Variants in TMEM170A observed in about 807,000 individuals in gnomAD.
TMEM170A encodes the protein transmembrane protein 170A.
In TMEM170A, 18 loss-of-function variants were observed where a neutral mutation model predicts 12.8. The observed-to-expected ratio is 1.41, with a 90% CI of 0.97 to 2.09. The LOEUF (loss-of-function observed/expected upper bound fraction) is 2.09. Among genes scored for constraint, TMEM170A ranks in the 30% most tolerant of loss-of-function variants. TMEM170A has a pLI of 0.00. For missense variants in TMEM170A, 220 were observed against 179.9 expected (o/e 1.22, Z -1.28); for synonymous variants, 107 against 76.2 (o/e 1.40, Z -2.11).
intron 2 of TMEM170A, among the ~76,000 whole-genome samples, chr16:75,449,079 T>G (rs2079634907): frequency 6.6e-6 from 1 of 151,712 alleles, no homozygotes; most frequent in South Asian, 2.1e-4. Flanking sequence ...AATAAATAAA[T>G]AAATAATAAA....
chr16:75,444,897 G>A lies in TMEM170A; in HGVS notation c.*2661C>T, dbSNP rs558983423. ...CCTAATTTTAAGTCTTAGCTCCAGT[G>A]AAAAATATCTAACATTTTAATCATG... On this transcript the variant is annotated 3_prime_UTR_variant, in exon 3 of 3. Coordinates refer to ENST00000561878, the MANE Select transcript of TMEM170A (RefSeq NM_145254.3). 2.3e-4 allele frequency: 35 copies of A among 152,252 alleles called. No homozygotes were observed. The East Asian group carries it at 5.8e-3, about 25-fold the overall frequency. The allele number at this position is 152,252 out of a possible 1,614,324, so 9.4% of individuals were successfully genotyped here. A position where few individuals can be genotyped will look rare whatever the true frequency, so the allele number is the denominator to read the frequency against.
chr16:75,454,315 G>C (rs1393718558), intron 1 of TMEM170A, among the ~76,000 whole-genome samples: 1 of 152,168 alleles, frequency 6.6e-6, no homozygotes, highest in Non-Finnish European at 1.5e-5. Context: ...CCAAAGCACA[G>C]AGGCTTTATA....
At chr16:75,452,722 G>A (rs1334693031) in intron 1 of TMEM170A, 1 of 152,160 alleles carries the variant, frequency 6.6e-6, no homozygotes, top group Non-Finnish European at 1.5e-5. Context: ...TTACAGGTGT[G>A]AGGCCACCGC....
rs971803037 is a variant in TMEM170A, at chr16:75,445,389, A to G, written c.*2169T>C. On this transcript the variant is annotated 3_prime_UTR_variant, in exon 3 of 3. Transcript: ENST00000561878. ...CAGTGGCGTGGTCTCGGCTCACAGCAGCCTGAACCTCCCAGGCACAAGTGA... is the reference window on the plus strand; with the variant it reads ...CAGTGGCGTGGTCTCGGCTCACAGCGGCCTGAACCTCCCAGGCACAAGTGA... The G allele has an allele frequency of 3.3e-5, 5 of 152,236 alleles. No individual in the cohort carries two copies. The South Asian group carries it at 8.3e-4, about 25-fold the overall frequency. 9.4% of individuals were successfully genotyped at this position (152,236 alleles called of 1,614,324 possible).
rs2079954149 is a variant in TMEM170A at position 75,464,097 on chromosome 16, G to A, written c.133+371C>T. On this transcript the variant is annotated intron_variant, in intron 1 of 2. Coordinates refer to ENST00000561878, the MANE Select transcript of TMEM170A (RefSeq NM_145254.3). ...GACCCCTCGAAGGAGGCCGGGCGCC[G>A]TGGGGCAACCCAGGCAGGGCGGGGA... The A allele has an allele frequency of 5.0e-6, 5 of 1,000,906 alleles. No homozygotes were observed. The East Asian group carries it at 1.3e-4, about 25-fold the overall frequency. 62.0% of individuals were successfully genotyped at this position (1,000,906 alleles called of 1,614,324 possible). A position where few individuals can be genotyped will look rare whatever the true frequency, so the allele number is the denominator to read the frequency against.
chr16:75,451,625 G>C lies in TMEM170A; in HGVS notation c.304+44C>G, dbSNP rs753608144. ...CTAGAATAGGTCCTGAAATTGACTA[G>C]TCATATTAAACATTTTTGACTGGTA... On this transcript the variant is annotated intron_variant, in intron 2 of 2. Transcript: ENST00000561878. The C allele has an allele frequency of 1.4e-5, 23 of 1,598,828 alleles. No individual in the cohort carries two copies. In the Admixed American group the frequency reaches 3.3e-4, roughly 23 times the overall value.
At chr16:75,450,337 A>G (rs1289782761) in intron 2 of TMEM170A, among the ~76,000 whole-genome samples, 1 of 152,170 alleles carries the variant, frequency 6.6e-6, no homozygotes, top group African/African-American at 2.4e-5. Flanking sequence ...CTATACCTAA[A>G]AAAAGAAATA....
chr16:75,462,222 T>C (rs1361769615), intron 1 of TMEM170A, among the ~76,000 whole-genome samples: 1 of 152,252 alleles, frequency 6.6e-6, no homozygotes, highest in Non-Finnish European at 1.5e-5. Flanking sequence ...TGACATTCAA[T>C]GTCTCTTTTT....
intron 1 of TMEM170A, among the ~76,000 whole-genome samples, chr16:75,461,469 A>G (rs1218252565): frequency 6.6e-6 from 1 of 152,242 alleles, no homozygotes; most frequent in Non-Finnish European, 1.5e-5. Flanking sequence ...ATATGTCAGA[A>G]TACTTCAGAA....
intron 1 of TMEM170A, 141 bp from the exon 2 acceptor site, chr16:75,451,980 A>G: frequency 2.5e-6 from 2 of 811,918 alleles, no homozygotes; most frequent in Non-Finnish European, 1.9e-6. Flanking sequence ...ATTATTTTTA[A>G]TTTTTTTTTG....
intron 1 of TMEM170A, among the ~76,000 whole-genome samples, chr16:75,456,497 A>G (rs2079799986): frequency 6.6e-6 from 1 of 152,150 alleles, no homozygotes; most frequent in Non-Finnish European, 1.5e-5. Context: ...TTCCTCCACC[A>G]ATGAAAAAAG....
chr16:75,455,286 G>A (rs559079459), intron 1 of TMEM170A, among the ~76,000 whole-genome samples: 3 of 151,074 alleles, frequency 2.0e-5, no homozygotes, highest in East Asian at 3.9e-4. Context: ...GAACTCGGGA[G>A]GCGGAGCTTG....
intron 2 of TMEM170A, among the ~76,000 whole-genome samples, chr16:75,449,475 T>C (rs779510006): frequency 9.9e-5 from 15 of 152,054 alleles, no homozygotes; most frequent in African/African-American, 3.4e-4. Context: ...CCACCACACC[T>C]GGCTATTTTA....
rs536748963 is a variant in TMEM170A at position 75,449,865 on chromosome 16, G to C, written c.304+1804C>G. Among the ~76,000 whole-genome samples the C allele has an allele frequency of 4.6e-5, 7 of 152,234 alleles. No homozygotes were observed. The South Asian group carries it at 1.5e-3, about 32-fold the overall frequency. On this transcript the variant is annotated intron_variant, in intron 2 of 2. Coordinates refer to ENST00000561878, the MANE Select transcript of TMEM170A (RefSeq NM_145254.3). ...GGAACTTGAACTGGGCCCTAAAGTGGGATTGGGATAATGAAGCGAAGAAAG... is the reference window on the plus strand; with the variant it reads ...GGAACTTGAACTGGGCCCTAAAGTGCGATTGGGATAATGAAGCGAAGAAAG...
chr16:75,451,708 T>C lies in TMEM170A; in HGVS notation c.265A>G (p.Met89Val), dbSNP rs766251748. 11 of 1,614,192 alleles carry C rather than the reference T, an allele frequency of 6.8e-6. No homozygotes were observed. The highest frequency in any genetic ancestry group is 1.6e-4 in the Middle Eastern group (1 of 6,062). Residue 89 changes from methionine (M) to valine (V), a missense_variant, in exon 2 of 3, where the codon ATG becomes GTG. Coordinates refer to ENST00000561878, the MANE Select transcript of TMEM170A (RefSeq NM_145254.3). ...GCAGTAATTGGTCCCACGATGCCCA[T>C]CAACAGGATGCTTACAGACATGAAC... ...GRFMSVSILLMGIVGPITAGI... is the reference protein window; with the variant it reads ...GRFMSVSILLVGIVGPITAGI...
intron 2 of TMEM170A, 56 bp from the exon 3 acceptor site, chr16:75,447,744 C>G (rs1047165662): frequency 2.5e-5 from 38 of 1,529,294 alleles, no homozygotes; most frequent in Non-Finnish European, 3.4e-5. Context: ...TTAACAAACT[C>G]ACGAAAATAC....
chr16:75,464,389 C>T, intron 1 of TMEM170A, 79 bp downstream of exon 1: 2 of 1,381,116 alleles, frequency 1.4e-6, no homozygotes, highest in Non-Finnish European at 1.9e-6. Flanking sequence ...ACCCGGGACC[C>T]CGCCCAGACT....
At chr16:75,451,993 A>G (rs1302260793) in intron 1 of TMEM170A, among the ~76,000 whole-genome samples, 154 bp from the exon 2 acceptor site, 1 of 151,618 alleles carries the variant, frequency 6.6e-6, no homozygotes, top group African/African-American at 2.4e-5. Flanking sequence ...TTTTTTTGAG[A>G]CGGAGTCTCG....
chr16:75,449,184 C>T (rs2079636704), intron 2 of TMEM170A, among the ~76,000 whole-genome samples: 1 of 152,186 alleles, frequency 6.6e-6, no homozygotes, highest in Non-Finnish European at 1.5e-5. Context: ...TGTGTTCATT[C>T]ACTCCAATTT....
Sources: allele counts gnomAD v4.1 joint callset (sites outside exome capture counted in the v4.1 genomes callset), GRCh38; gene constraint gnomAD v4.1.1; transcripts MANE v1.5; gene names NCBI Gene and HGNC (gene_info 2026-07-23, HGNC 2026-07-21).